AGBL1: variants seen among roughly 807,000 people sequenced by gnomAD.
AGBL1 encodes cytosolic carboxypeptidase 4.
In AGBL1, 130 loss-of-function variants were observed where a neutral mutation model predicts 118.9. That is an observed-to-expected ratio of 1.09 (90% CI 0.95 to 1.26). AGBL1 has a LOEUF of 1.26. AGBL1 is among the 50% of genes most tolerant of loss of function. The pLI, the probability that AGBL1 is intolerant of heterozygous loss-of-function variation, is 0.00. For missense variants in AGBL1, 1,584 were observed against 1,298.1 expected (o/e 1.22, Z -3.38); for synonymous variants, 555 against 478.9 (o/e 1.16, Z -2.08).
chr15:86,667,495 C>G (rs910026843), intron 21 of AGBL1, among the ~76,000 whole-genome samples: 2 of 152,098 alleles, frequency 1.3e-5, no homozygotes, highest in Non-Finnish European at 2.9e-5. Flanking sequence ...TTATTTATAT[C>G]TTGCTCCACT....
chr15:86,758,920 T>A (rs1191977141), intron 22 of AGBL1, among the ~76,000 whole-genome samples: 1 of 131,510 alleles, frequency 7.6e-6, no homozygotes, highest in Non-Finnish European at 1.5e-5. Context: ...TTGCAGTAAG[T>A]GGAGATTGCA....
chr15:86,675,320 TTGAATTTTCC>T (rs1410164890), intron 22 of AGBL1, among the ~76,000 whole-genome samples: 1 of 152,162 alleles, frequency 6.6e-6, no homozygotes, highest in East Asian at 1.9e-4. Context: ...GCTAATTTTC[TTGAATTTTCC>T]TCCTGTTCCT....
chr15:86,128,856 G>A lies in AGBL1; in HGVS notation c.52-13148G>A, dbSNP rs1190659862. ...CATTAGTTGAGCAGATACTTCCTAG[G>A]GTGAGATATCTGTGAGAACAGAGAC... On this transcript the variant is annotated intron_variant, in intron 1 of 22. Coordinates refer to ENST00000614907, the MANE Select transcript of AGBL1 (RefSeq NM_001386094.1). 3.3e-5 allele frequency among the ~76,000 whole-genome samples: 5 copies of A among 152,072 alleles called. No homozygotes were observed. The East Asian group carries it at 9.6e-4, about 29-fold the overall frequency.
At chr15:86,713,125 T>C (rs559587553) in intron 22 of AGBL1, among the ~76,000 whole-genome samples, 2 of 152,286 alleles carry the variant, frequency 1.3e-5, no homozygotes, top group African/African-American at 2.4e-5. Context: ...TCCTACTACA[T>C]AGAATCTTAT....
chr15:86,087,477 C>T (rs994043758), intron 1 of AGBL1, among the ~76,000 whole-genome samples: 1 of 152,026 alleles, frequency 6.6e-6, no homozygotes, highest in Non-Finnish European at 1.5e-5. Flanking sequence ...TATAGGTGCA[C>T]ACCACCATCC....
At chr15:86,827,341 G>A (rs75970461) in intron 22 of AGBL1, among the ~76,000 whole-genome samples, 103 of 2,358 alleles carry the variant, frequency 0.044, 4 homozygotes, top group Non-Finnish European at 0.046. Context: ...ATATATATGT[G>A]TATATATATA....
chr15:86,787,839 G>A (rs1465262074), intron 22 of AGBL1, among the ~76,000 whole-genome samples: 1 of 152,078 alleles, frequency 6.6e-6, no homozygotes, highest in African/African-American at 2.4e-5. Context: ...TTCCAAGAAT[G>A]TTTTATCAAT....
At chr15:86,674,824 C>T (rs74025410) in intron 22 of AGBL1, among the ~76,000 whole-genome samples, 2,697 of 152,156 alleles carry the variant, frequency 0.018, 66 homozygotes, top group African/African-American at 0.061. Flanking sequence ...AATATCTAGG[C>T]ACCTGGAGAC....
At chr15:86,977,404 C>A (rs961973801) in intron 23 of AGBL1, among the ~76,000 whole-genome samples, 1 of 147,266 alleles carries the variant, frequency 6.8e-6, no homozygotes, top group Non-Finnish European at 1.5e-5. Flanking sequence ...TTTTTTTTTA[C>A]TATTGTGATA....
chr15:86,664,422 A>G (rs141336613), intron 21 of AGBL1, among the ~76,000 whole-genome samples: 24 of 152,296 alleles, frequency 1.6e-4, no homozygotes, highest in African/African-American at 5.3e-4. Context: ...GTACATGTCA[A>G]GGCAGGGAAT....
At chr15:86,128,168 G>A (rs1254232525) in intron 1 of AGBL1, among the ~76,000 whole-genome samples, 2 of 152,132 alleles carry the variant, frequency 1.3e-5, no homozygotes, top group Admixed American at 6.5e-5. Context: ...AAAGGAAAGA[G>A]GATTAATGGA....
At chr15:86,247,559 A>G (rs2141991849) in intron 6 of AGBL1, 112 bp from the exon 7 acceptor site, 1 of 1,155,670 alleles carries the variant, frequency 8.7e-7, no homozygotes, top group Non-Finnish European at 1.3e-6. Flanking sequence ...CTAAAATGTT[A>G]TTATTCCCTT....
At chr15:86,737,325 C>A (rs910154420) in intron 22 of AGBL1, among the ~76,000 whole-genome samples, 2 of 152,108 alleles carry the variant, frequency 1.3e-5, no homozygotes, top group Admixed American at 1.3e-4. Flanking sequence ...ATGCAATTTC[C>A]AGGCAAAGGT....
intron 18 of AGBL1, among the ~76,000 whole-genome samples, chr15:86,462,606 C>A (rs1407795105): frequency 6.6e-6 from 1 of 152,094 alleles, no homozygotes; most frequent in Admixed American, 6.5e-5. Context: ...CCCAACAGGC[C>A]CTGGAGTGCG....
intron 16 of AGBL1, 112 bp from the exon 17 acceptor site, chr15:86,295,143 A>G (rs1412921524): frequency 7.7e-7 from 1 of 1,297,186 alleles, no homozygotes; most frequent in Non-Finnish European, 1.1e-6. Flanking sequence ...CATAAAGGAC[A>G]GATTAGATTA....
At chr15:86,632,710 G>A (rs994269460) in intron 21 of AGBL1, among the ~76,000 whole-genome samples, 2 of 149,818 alleles carry the variant, frequency 1.3e-5, no homozygotes, top group Non-Finnish European at 3.0e-5. Context: ...AGGTGGTGTT[G>A]CCTATAAGTA....
intron 23 of AGBL1, among the ~76,000 whole-genome samples, chr15:86,925,177 G>A (rs370929937): frequency 1.6e-5 from 2 of 124,766 alleles, no homozygotes; most frequent in African/African-American, 7.5e-5. Context: ...GGAAGAGGAA[G>A]AGGAAGAGGA....
intron 5 of AGBL1, among the ~76,000 whole-genome samples, chr15:86,190,376 T>C (rs1348504887): frequency 6.6e-6 from 1 of 152,162 alleles, no homozygotes; most frequent in African/African-American, 2.4e-5. Flanking sequence ...GTTTAAATAT[T>C]AGCATTTATA....
chr15:86,678,898 T>C (rs1295237119), intron 22 of AGBL1, among the ~76,000 whole-genome samples: 1 of 152,122 alleles, frequency 6.6e-6, no homozygotes, highest in African/African-American at 2.4e-5. Context: ...ATATAGTATA[T>C]ACACATGCAT....
Sources: gnomAD v4.1 joint callset for allele counts (sites outside exome capture counted in the v4.1 genomes callset) on GRCh38, gnomAD v4.1.1 for gene constraint, MANE v1.5 for transcripts, NCBI Gene and HGNC (gene_info 2026-07-23, HGNC 2026-07-21) for gene names.